INSYN2A: variants seen among roughly 807,000 people sequenced by gnomAD.
The protein encoded by INSYN2A is inhibitory synaptic factor 2A.
In INSYN2A, 17 loss-of-function variants were observed where a neutral mutation model predicts 39.4. The ratio of observed to expected loss-of-function variants is 0.43; its 90% confidence interval spans 0.30 to 0.65. The LOEUF is 0.65. Ranked by LOEUF, INSYN2A falls within the 30% of genes least tolerant of loss-of-function variation. The probability of loss-of-function intolerance (pLI) is 0.14; values close to 1 mark genes in which losing one functional copy is unlikely to be tolerated. For synonymous variants in INSYN2A, 255 were observed against 265.7 expected (o/e 0.96, Z 0.39); for missense variants, 595 against 631.2 (o/e 0.94, Z 0.61).
intron 2 of INSYN2A, among the ~76,000 whole-genome samples, chr10:127,177,752 C>G (rs933023958): frequency 2.6e-5 from 4 of 152,262 alleles, no homozygotes; most frequent in Non-Finnish European, 5.9e-5. Flanking sequence ...CTATGACATG[C>G]GCAGCATGGC....
chr10:127,162,502 G>A (rs1279254010), intron 4 of INSYN2A, among the ~76,000 whole-genome samples: 2 of 152,182 alleles, frequency 1.3e-5, no homozygotes, highest in Non-Finnish European at 2.9e-5. Flanking sequence ...CAGAAGTTGA[G>A]TTGGGTCTGT....
chr10:127,167,637 C>A (rs1025426935), intron 4 of INSYN2A, among the ~76,000 whole-genome samples: 6 of 152,092 alleles, frequency 3.9e-5, no homozygotes, highest in Non-Finnish European at 8.8e-5. Context: ...GGACCATGTT[C>A]CTTTCATATC....
At chr10:127,186,017 T>A (rs71474209) in intron 2 of INSYN2A, among the ~76,000 whole-genome samples, 7,128 of 152,280 alleles carry the variant, frequency 0.047, 256 homozygotes, top group Admixed American at 0.1. Context: ...TGAGTTTAAT[T>A]AAAAAATCTC....
chr10:127,190,276 C>A (rs918254710), intron 2 of INSYN2A, among the ~76,000 whole-genome samples: 2 of 152,186 alleles, frequency 1.3e-5, no homozygotes, highest in African/African-American at 4.8e-5. Flanking sequence ...CACTGCATGG[C>A]CAGACGTCAG....
At chr10:127,190,781 A>G (rs537299183) in intron 2 of INSYN2A, among the ~76,000 whole-genome samples, 8 of 147,814 alleles carry the variant, frequency 5.4e-5, no homozygotes, top group African/African-American at 2.0e-4. Flanking sequence ...ATCTTGCCAC[A>G]TTACAAAGAC....
At chr10:127,173,090 G>T (rs1022513131) in intron 4 of INSYN2A, among the ~76,000 whole-genome samples, 2 of 152,050 alleles carry the variant, frequency 1.3e-5, no homozygotes, top group Non-Finnish European at 2.9e-5. Flanking sequence ...CACATTGGAC[G>T]CCCACAAGAC....
chr10:127,166,175 C>T (rs767259554), intron 4 of INSYN2A, among the ~76,000 whole-genome samples: 39 of 152,182 alleles, frequency 2.6e-4, no homozygotes, highest in Admixed American at 6.5e-4. Context: ...ACTCCATTCT[C>T]CTGCCTCAGC....
At chr10:127,169,098 G>T (rs564549666) in intron 4 of INSYN2A, among the ~76,000 whole-genome samples, 1 of 152,206 alleles carries the variant, frequency 6.6e-6, no homozygotes, top group South Asian at 2.1e-4. Context: ...TTCTGTGATG[G>T]CTTTTTATTT....
At chr10:127,190,249 C>CT (rs2056620782) in intron 2 of INSYN2A, among the ~76,000 whole-genome samples, 1 of 152,188 alleles carries the variant, frequency 6.6e-6, no homozygotes, top group South Asian at 2.1e-4. Context: ...CCCTTTGGTG[C>CT]TTTTTTCTTT....
At chr10:127,171,168 G>A (rs1294459495) in intron 4 of INSYN2A, among the ~76,000 whole-genome samples, 6 of 152,232 alleles carry the variant, frequency 3.9e-5, no homozygotes, top group East Asian at 3.9e-4. Context: ...ATTCTCTGCC[G>A]AAGCCATTTG....
At chr10:127,142,121 G>A (rs559251747) in intron 5 of INSYN2A, among the ~76,000 whole-genome samples, 1 of 152,180 alleles carries the variant, frequency 6.6e-6, no homozygotes, top group Non-Finnish European at 1.5e-5. Context: ...AGCAGGTGGA[G>A]GTCTAGCTGG....
At chr10:127,161,867 A>G (rs1589707572) in intron 4 of INSYN2A, among the ~76,000 whole-genome samples, 1 of 152,222 alleles carries the variant, frequency 6.6e-6, no homozygotes, top group Admixed American at 6.5e-5. Flanking sequence ...ATGAAAAAAT[A>G]TAATTGAGAA....
At chr10:127,186,614 C>T (rs1367131113) in intron 2 of INSYN2A, among the ~76,000 whole-genome samples, 1 of 148,416 alleles carries the variant, frequency 6.7e-6, no homozygotes, top group East Asian at 2.0e-4. Context: ...GGACAGAGAG[C>T]CAAACCGTAT....
At chr10:127,173,513 C>T (rs552074229) in intron 4 of INSYN2A, among the ~76,000 whole-genome samples, 1 of 152,288 alleles carries the variant, frequency 6.6e-6, no homozygotes, top group South Asian at 2.1e-4. Context: ...TCAGCCCTCT[C>T]AGGTTCTTCT....
At chr10:127,158,546 C>A (rs2053298263) in intron 4 of INSYN2A, among the ~76,000 whole-genome samples, 1 of 152,168 alleles carries the variant, frequency 6.6e-6, no homozygotes, top group African/African-American at 2.4e-5. Context: ...ATACCTGGTA[C>A]CTTCTGGGCG....
intron 2 of INSYN2A, among the ~76,000 whole-genome samples, chr10:127,191,784 T>C (rs1288308587): frequency 6.6e-6 from 1 of 152,214 alleles, no homozygotes; most frequent in Non-Finnish European, 1.5e-5. Context: ...GCCATCAGCC[T>C]GTGCTTTTTC....
chr10:127,182,377 G>A (rs564522183), intron 2 of INSYN2A, among the ~76,000 whole-genome samples: 5 of 152,250 alleles, frequency 3.3e-5, no homozygotes, highest in Admixed American at 1.3e-4. Context: ...GGCCTACTTC[G>A]GGGAGTGAGA....
Position 127,176,525 on chromosome 10 carries a change from C to A in INSYN2A, c.-5-125G>T. 2.6e-6 allele frequency: 2 copies of A among 781,866 alleles called. No individual in the cohort carries two copies. The allele number at this position is 781,866 out of a possible 1,614,324, so 48.4% of individuals were successfully genotyped here. A position where few individuals can be genotyped will look rare whatever the true frequency, so the allele number is the denominator to read the frequency against. On this transcript the variant is annotated intron_variant, in intron 3 of 5. Transcript: ENST00000522781. The surrounding 1 kb of genome is among the most constrained non-coding windows in gnomAD (Gnocchi z 4.4). ...CTAATTATATTTAAGCAGGTGAGGT[C>A]GGCCTTTATGTTAAGGAAAATCACA...
intron 4 of INSYN2A, among the ~76,000 whole-genome samples, chr10:127,162,882 C>T (rs2053710022): frequency 1.3e-5 from 2 of 152,318 alleles, no homozygotes; most frequent in African/African-American, 4.8e-5. Context: ...CCCCCAGACA[C>T]TTAAAATCCA....
Sources: allele counts gnomAD v4.1 joint callset (sites outside exome capture counted in the v4.1 genomes callset), GRCh38; gene constraint gnomAD v4.1.1; non-coding constraint Gnocchi (gnomAD v3.1); transcripts MANE v1.5; gene names NCBI Gene and HGNC (gene_info 2026-07-23, HGNC 2026-07-21).